RAB3C: variants seen among roughly 807,000 people sequenced by gnomAD.
The protein encoded by RAB3C is ras-related protein Rab-3C.
RAB3C carries 17 observed loss-of-function variants against 26.4 expected under a neutral mutation model. That is an observed-to-expected ratio of 0.64 (90% CI 0.44 to 0.97). The LOEUF (loss-of-function observed/expected upper bound fraction) is 0.97. Ranked by LOEUF, RAB3C falls within the 50% of genes least tolerant of loss-of-function variation. RAB3C has a pLI of 0.00. For missense variants in RAB3C, 242 were observed against 281.9 expected (o/e 0.86, Z 1.01); for synonymous variants, 91 against 95.9 (o/e 0.95, Z 0.30).
At chr5:58,710,971 T>C (rs1749047496) in intron 2 of RAB3C, among the ~76,000 whole-genome samples, 1 of 152,206 alleles carries the variant, frequency 6.6e-6, no homozygotes, top group Non-Finnish European at 1.5e-5. Flanking sequence ...CTTGGAACAC[T>C]CATATAATTC....
At chr5:58,833,991 C>A (rs943322624) in intron 4 of RAB3C, among the ~76,000 whole-genome samples, 3 of 152,098 alleles carry the variant, frequency 2.0e-5, no homozygotes, top group Non-Finnish European at 4.4e-5. Context: ...CTAAGAGTTG[C>A]CTTCATTCAA....
At chr5:58,785,859 G>T (rs148828099) in intron 3 of RAB3C, among the ~76,000 whole-genome samples, 3 of 152,368 alleles carry the variant, frequency 2.0e-5, no homozygotes, top group Non-Finnish European at 4.4e-5. Context: ...CAGGGGAAAT[G>T]ATGTAGAATA....
intron 4 of RAB3C, among the ~76,000 whole-genome samples, chr5:58,831,754 C>A (rs1743617547): frequency 6.6e-6 from 1 of 152,076 alleles, no homozygotes; most frequent in Non-Finnish European, 1.5e-5. Flanking sequence ...GGGGACCTTG[C>A]TTATTTCTCA....
At chr5:58,610,455 C>T (rs1746674942) in intron 1 of RAB3C, among the ~76,000 whole-genome samples, 1 of 152,020 alleles carries the variant, frequency 6.6e-6, no homozygotes, top group African/African-American at 2.4e-5. Context: ...AATAGGTATA[C>T]AGTGGTATCT....
intron 3 of RAB3C, among the ~76,000 whole-genome samples, chr5:58,824,175 G>T (rs1026140106): frequency 6.6e-6 from 1 of 151,614 alleles, no homozygotes; most frequent in African/African-American, 2.4e-5. Flanking sequence ...GAATAGTGTC[G>T]CAATAAACAT....
intron 3 of RAB3C, among the ~76,000 whole-genome samples, chr5:58,820,612 G>C (rs1743315644): frequency 6.6e-6 from 1 of 151,908 alleles, no homozygotes; most frequent in African/African-American, 2.4e-5. Flanking sequence ...TCATTAAAAA[G>C]AAAACTGGTC....
intron 3 of RAB3C, chr5:58,742,128 C>T (rs1244914007): frequency 1.3e-5 from 2 of 152,198 alleles, no homozygotes; most frequent in Non-Finnish European, 2.9e-5. Flanking sequence ...TGCACACCAA[C>T]TGAAGCCATG....
intron 1 of RAB3C, among the ~76,000 whole-genome samples, chr5:58,600,623 A>C (rs1207983647): frequency 6.6e-6 from 1 of 151,992 alleles, no homozygotes; most frequent in African/African-American, 2.4e-5. Flanking sequence ...AAAGGAATTG[A>C]GTTTTTGATT....
At chr5:58,789,391 T>C (rs1182268581) in intron 3 of RAB3C, among the ~76,000 whole-genome samples, 1 of 152,132 alleles carries the variant, frequency 6.6e-6, no homozygotes, top group African/African-American at 2.4e-5. Flanking sequence ...ATAACAGACA[T>C]TTGCTCCTAT....
chr5:58,683,965 C>T (rs546678038), intron 2 of RAB3C, among the ~76,000 whole-genome samples: 38 of 152,206 alleles, frequency 2.5e-4, no homozygotes, highest in Middle Eastern at 3.4e-3. Flanking sequence ...TCTCTTACTA[C>T]GCTCAACTTA....
intron 2 of RAB3C, among the ~76,000 whole-genome samples, chr5:58,673,977 C>T (rs559385078): frequency 1.3e-5 from 2 of 152,202 alleles, no homozygotes; most frequent in South Asian, 2.1e-4. Flanking sequence ...ATAAATCAAT[C>T]AATAATTGTT....
At chr5:58,638,706 A>T (rs1189316663) in intron 2 of RAB3C, among the ~76,000 whole-genome samples, 1 of 152,228 alleles carries the variant, frequency 6.6e-6, no homozygotes, top group East Asian at 1.9e-4. Context: ...CAGACATTAT[A>T]TGTCACCTCG....
At chr5:58,612,457 T>G (rs1428604713) in intron 1 of RAB3C, among the ~76,000 whole-genome samples, 1 of 146,460 alleles carries the variant, frequency 6.8e-6, no homozygotes, top group Non-Finnish European at 1.5e-5. Context: ...GTTCCCTGGT[T>G]AGCTGGTTAG....
intron 3 of RAB3C, among the ~76,000 whole-genome samples, chr5:58,726,811 G>A (rs527274506): frequency 1.3e-5 from 2 of 152,076 alleles, no homozygotes; most frequent in African/African-American, 4.8e-5. Context: ...TTACGGTGGG[G>A]GGTTATTCCT....
intron 2 of RAB3C, among the ~76,000 whole-genome samples, chr5:58,664,246 T>C (rs1289618988): frequency 6.6e-6 from 1 of 152,120 alleles, no homozygotes; most frequent in Non-Finnish European, 1.5e-5. Flanking sequence ...GATGAATCAT[T>C]AAACAAATGT....
At chr5:58,820,754 G>A (rs546180511) in intron 3 of RAB3C, among the ~76,000 whole-genome samples, 4 of 152,064 alleles carry the variant, frequency 2.6e-5, no homozygotes. Flanking sequence ...TCTTATATAA[G>A]AGCAAATGAA....
chr5:58,635,326 C>T (rs1164333590), intron 2 of RAB3C, among the ~76,000 whole-genome samples: 1 of 152,186 alleles, frequency 6.6e-6, no homozygotes, highest in Non-Finnish European at 1.5e-5. Flanking sequence ...GGGGAGGTTG[C>T]TGTCCATTCT....
intron 3 of RAB3C, among the ~76,000 whole-genome samples, chr5:58,733,653 A>G (rs928691696): frequency 6.6e-6 from 1 of 152,216 alleles, no homozygotes; most frequent in Non-Finnish European, 1.5e-5. Context: ...GATTTGTTAA[A>G]GAGATAGGTC....
chr5:58,785,596 C>A (rs534039715), intron 3 of RAB3C, among the ~76,000 whole-genome samples: 1 of 152,242 alleles, frequency 6.6e-6, no homozygotes, highest in Non-Finnish European at 1.5e-5. Context: ...TAACAAGATC[C>A]CAAGTGATGC....
Sources: allele counts gnomAD v4.1 joint callset (sites outside exome capture counted in the v4.1 genomes callset), GRCh38; gene constraint gnomAD v4.1.1; transcripts MANE v1.5; gene names NCBI Gene and HGNC (gene_info 2026-07-23, HGNC 2026-07-21).